RSU1: variants seen among roughly 807,000 people sequenced by gnomAD.
RSU1 encodes the protein Ras suppressor protein 1.
In RSU1, 26 loss-of-function variants were observed where a neutral mutation model predicts 31.1. That is an observed-to-expected ratio of 0.84 (90% CI 0.61 to 1.16). The LOEUF (loss-of-function observed/expected upper bound fraction) is 1.16, where lower values mean the gene tolerates loss of function less well. RSU1 is among the 50% of genes most tolerant of loss of function. The pLI, the probability that RSU1 is intolerant of heterozygous loss-of-function variation, is 0.00. For synonymous variants in RSU1, 164 were observed against 136.3 expected (o/e 1.20, Z -1.41); for missense variants, 320 against 339.1 (o/e 0.94, Z 0.44).
chr10:16,634,283 A>G (rs1398230406), intron 8 of RSU1, among the ~76,000 whole-genome samples: 1 of 152,248 alleles, frequency 6.6e-6, no homozygotes, highest in African/African-American at 2.4e-5. Context: ...GCCCAGGCAG[A>G]CAAAACACTT....
At chr10:16,643,050 A>T (rs1564296785) in intron 8 of RSU1, among the ~76,000 whole-genome samples, 1 of 152,222 alleles carries the variant, frequency 6.6e-6, no homozygotes, top group Non-Finnish European at 1.5e-5. Context: ...TTTCATAATG[A>T]TGGGATTTGT....
intron 8 of RSU1, among the ~76,000 whole-genome samples, chr10:16,608,539 T>C (rs1455309954): frequency 6.6e-6 from 1 of 152,092 alleles, no homozygotes; most frequent in East Asian, 1.9e-4. Context: ...AACTTCCCCA[T>C]GTAAGCCGTG....
chr10:16,707,680 G>C (rs7920982), intron 7 of RSU1, among the ~76,000 whole-genome samples: 2 of 150,972 alleles, frequency 1.3e-5, no homozygotes, highest in Non-Finnish European at 2.9e-5. Context: ...TCTTCACTCC[G>C]TCAATAGCTT....
At chr10:16,620,964 C>T (rs540425348) in intron 8 of RSU1, among the ~76,000 whole-genome samples, 17 of 152,028 alleles carry the variant, frequency 1.1e-4, no homozygotes, top group Non-Finnish European at 2.5e-4. Flanking sequence ...AGAATAGGTG[C>T]AGAGAGACTC....
At chr10:16,605,700 C>T (rs762078616) in intron 8 of RSU1, among the ~76,000 whole-genome samples, 36 of 152,168 alleles carry the variant, frequency 2.4e-4, no homozygotes, top group Non-Finnish European at 1.0e-4. Context: ...CTGTGCAGAC[C>T]GAGGCAAGTG....
chr10:16,734,578 G>T (rs1836586585), intron 7 of RSU1, among the ~76,000 whole-genome samples: 1 of 152,174 alleles, frequency 6.6e-6, no homozygotes, highest in African/African-American at 2.4e-5. Context: ...ATCTCCATAG[G>T]TTTCACTTGT....
At chr10:16,638,153 A>G (rs1474736464) in intron 8 of RSU1, among the ~76,000 whole-genome samples, 1 of 152,180 alleles carries the variant, frequency 6.6e-6, no homozygotes, top group Non-Finnish European at 1.5e-5. Context: ...CTTGAAGTTA[A>G]GCTACTCTTC....
At chr10:16,648,746 TCA>T (rs1834625079) in intron 8 of RSU1, among the ~76,000 whole-genome samples, 2 of 151,760 alleles carry the variant, frequency 1.3e-5, no homozygotes, top group African/African-American at 4.8e-5. Flanking sequence ...CTGCCAGCTT[TCA>T]CAGTTTATTG....
intron 7 of RSU1, among the ~76,000 whole-genome samples, chr10:16,722,834 ATATATG>A (rs999991562): frequency 1.7e-5 from 2 of 115,264 alleles, no homozygotes; most frequent in Admixed American, 9.6e-5. Flanking sequence ...ATACAGCCAC[ATATATG>A]TATATATACA....
intron 8 of RSU1, among the ~76,000 whole-genome samples, chr10:16,680,188 C>T (rs573724898): frequency 1.4e-4 from 21 of 151,972 alleles, no homozygotes; most frequent in Admixed American, 6.6e-4. Flanking sequence ...AGCCAAAAAC[C>T]GGATTTTTAA....
At chr10:16,629,541 A>C (rs1834212363) in intron 8 of RSU1, among the ~76,000 whole-genome samples, 1 of 152,200 alleles carries the variant, frequency 6.6e-6, no homozygotes, top group South Asian at 2.1e-4. Flanking sequence ...TGAAGCAAAG[A>C]AAAATGAGAT....
At chr10:16,756,562 G>T (rs529050457) in intron 4 of RSU1, among the ~76,000 whole-genome samples, 26 of 152,190 alleles carry the variant, frequency 1.7e-4, no homozygotes, top group African/African-American at 6.0e-4. Flanking sequence ...TTTTCCTTAC[G>T]ACTTTCTTAA....
At chr10:16,643,970 T>C (rs1834490967) in intron 8 of RSU1, among the ~76,000 whole-genome samples, 1 of 152,154 alleles carries the variant, frequency 6.6e-6, no homozygotes, top group Non-Finnish European at 1.5e-5. Context: ...TGACATCATA[T>C]TGGGTATTAC....
chr10:16,801,352 A>C (rs1042692097), intron 2 of RSU1, among the ~76,000 whole-genome samples: 2 of 152,204 alleles, frequency 1.3e-5, no homozygotes, highest in African/African-American at 4.8e-5. Flanking sequence ...AGCAATCCTT[A>C]ATGTGAATGT....
At chr10:16,785,933 T>C (rs1442544333) in intron 2 of RSU1, among the ~76,000 whole-genome samples, 1 of 152,198 alleles carries the variant, frequency 6.6e-6, no homozygotes. Flanking sequence ...TCTAAACTTA[T>C]TGTGTCTTTT....
chr10:16,778,965 T>C (rs3780975), intron 3 of RSU1, among the ~76,000 whole-genome samples: 26,406 of 152,234 alleles, frequency 0.17, 2,314 homozygotes, highest in Middle Eastern at 0.23. Flanking sequence ...ACTCTTCCCA[T>C]TGGGCCAGGA....
intron 8 of RSU1, among the ~76,000 whole-genome samples, chr10:16,630,725 T>C (rs1030212246): frequency 1.3e-5 from 2 of 152,228 alleles, no homozygotes; most frequent in African/African-American, 2.4e-5. Flanking sequence ...TATTTCTTCC[T>C]GGGTGGTACT....
intron 2 of RSU1, among the ~76,000 whole-genome samples, chr10:16,801,943 G>C (rs957815178): frequency 2.0e-5 from 3 of 151,966 alleles, no homozygotes; most frequent in Non-Finnish European, 4.4e-5. Flanking sequence ...TATTAGGTTG[G>C]TGCAAAAGTA....
At position 16,777,953 on chromosome 10, in the gene RSU1, C is replaced by T. The variant is rs193139132; in HGVS notation, c.160+4081G>A. Among the ~76,000 whole-genome samples the T allele has an allele frequency of 2.6e-5, 4 of 150,960 alleles. No homozygotes were observed. The South Asian group carries it at 8.4e-4, about 32-fold the overall frequency. ...GCCTGAGTAACACATCACAGCCCATCATTCCTTGGCTCTATGATTGTAAAG... is the reference window on the plus strand; with the variant it reads ...GCCTGAGTAACACATCACAGCCCATTATTCCTTGGCTCTATGATTGTAAAG... On this transcript the variant is annotated intron_variant, in intron 3 of 8. Coordinates refer to ENST00000345264, the MANE Select transcript of RSU1 (RefSeq NM_012425.4).
Sources: gnomAD v4.1 joint callset for allele counts (sites outside exome capture counted in the v4.1 genomes callset) on GRCh38, gnomAD v4.1.1 for gene constraint, MANE v1.5 for transcripts, NCBI Gene and HGNC (gene_info 2026-07-23, HGNC 2026-07-21) for gene names.